The following XXYLT1 variants were observed in gnomAD, a reference collection of about 807,000 sequenced individuals.
The protein encoded by XXYLT1 is UDP-xylose:alpha-xyloside alpha-1,3-xylosyltransferase.
In XXYLT1, 20 loss-of-function variants were observed where a neutral mutation model predicts 28.9. The observed-to-expected ratio is 0.69, with a 90% CI of 0.49 to 1.00. The LOEUF is 1.00. XXYLT1 is among the 50% of genes least tolerant of loss of function. The pLI is 0.00. For missense variants in XXYLT1, 542 were observed against 560.1 expected, an observed-to-expected ratio of 0.97 and a Z score of 0.33; for synonymous variants, 257 against 253.8, an observed-to-expected ratio of 1.01 and a Z score of -0.12.
intron 1 of XXYLT1, among the ~76,000 whole-genome samples, chr3:195,242,501 G>C (rs998936962): frequency 6.6e-6 from 1 of 152,178 alleles, no homozygotes; most frequent in Non-Finnish European, 1.5e-5. Flanking sequence ...CACATGAGGA[G>C]TGGTTTTAAG....
intron 1 of XXYLT1, among the ~76,000 whole-genome samples, chr3:195,235,633 C>T (rs1724502760): frequency 6.6e-6 from 1 of 152,088 alleles, no homozygotes; most frequent in South Asian, 2.1e-4. Flanking sequence ...TCTTTGCAGT[C>T]TGGGTTTGTT....
In XXYLT1 at chr3:195,210,838, T is replaced by A. The variant is rs755634173; in HGVS notation, c.652+15871A>T. 2.6e-5 allele frequency among the ~76,000 whole-genome samples: 4 copies of A among 152,180 alleles called. No individual in the cohort carries two copies. Among genetic ancestry groups the A allele is most frequent in the Non-Finnish European group, 5.9e-5 (4 of 68,034 alleles). The stretch of plus-strand genomic sequence containing the variant: ...TTCAGATGTTTTCACTCAGGCAAGT[T>A]CCTGAATGTCTGTTTTTTCCTTTGC... On this transcript the variant is annotated intron_variant, in intron 2 of 3. Coordinates refer to ENST00000310380, the MANE Select transcript of XXYLT1 (RefSeq NM_152531.5). This position sits in a 1 kb window ranked among gnomAD's most constrained non-coding sequence, Gnocchi z 4.8.
chr3:195,127,884 AATG>A (rs1718716401), intron 3 of XXYLT1, among the ~76,000 whole-genome samples: 1 of 152,200 alleles, frequency 6.6e-6, no homozygotes, highest in African/African-American at 2.4e-5. Flanking sequence ...GGGTCTGTGA[AATG>A]ATTATATAAA....
intron 3 of XXYLT1, among the ~76,000 whole-genome samples, chr3:195,072,847 T>C (rs12639591): frequency 0.05 from 7,654 of 152,310 alleles, 284 homozygotes; most frequent in East Asian, 0.13. Flanking sequence ...CTTCTGTGTC[T>C]GCTGGTTCTC....
chr3:195,222,777 T>G (rs193191563), intron 2 of XXYLT1, among the ~76,000 whole-genome samples: 160 of 152,250 alleles, frequency 1.1e-3, no homozygotes, highest in Non-Finnish European at 2.0e-3. Flanking sequence ...ATAGCTTCAT[T>G]TGTACAATTT....
At chr3:195,132,307 A>C (rs1718943296) in intron 3 of XXYLT1, among the ~76,000 whole-genome samples, 1 of 152,194 alleles carries the variant, frequency 6.6e-6, no homozygotes, top group African/African-American at 2.4e-5. Context: ...CCATCTTTAC[A>C]AATAAAGAAA....
intron 2 of XXYLT1, chr3:195,183,775 C>T (rs1722058740): frequency 6.6e-6 from 1 of 152,250 alleles, no homozygotes; most frequent in South Asian, 2.1e-4. Context: ...CCACCCTGGT[C>T]CCCAGGAAAG....
At chr3:195,143,697 A>G (rs1162245573) in intron 3 of XXYLT1, among the ~76,000 whole-genome samples, 1 of 150,132 alleles carries the variant, frequency 6.7e-6, no homozygotes, top group African/African-American at 2.5e-5. Context: ...TCTGAATCAC[A>G]TATGGGCTCT....
intron 3 of XXYLT1, among the ~76,000 whole-genome samples, chr3:195,097,209 G>A (rs1716495823): frequency 6.6e-6 from 1 of 152,238 alleles, no homozygotes; most frequent in Non-Finnish European, 1.5e-5. Flanking sequence ...TTGGAAGCAG[G>A]CTCAGTGCTG....
chr3:195,096,429 A>G (rs1407371764), intron 3 of XXYLT1, among the ~76,000 whole-genome samples: 1 of 152,164 alleles, frequency 6.6e-6, no homozygotes, highest in Non-Finnish European at 1.5e-5. Context: ...ATACACGACC[A>G]TGCCCATGTG....
Position 195,256,022 on chromosome 3 carries a change from G to C in XXYLT1, c.504+14533C>G, listed in dbSNP as rs1725463658. Reference sequence around the variant, plus strand: ...GTTCTGTGCCACCCAGCTGACCAGGGGAAGAGGCCACCCAGCCAGCAGCAG... The same window carrying C: ...GTTCTGTGCCACCCAGCTGACCAGGCGAAGAGGCCACCCAGCCAGCAGCAG... On this transcript the variant is annotated intron_variant, in intron 1 of 3. Coordinates refer to ENST00000310380, the MANE Select transcript of XXYLT1 (RefSeq NM_152531.5). This position sits in a 1 kb window ranked among gnomAD's most constrained non-coding sequence, Gnocchi z 4.2. Among the ~76,000 whole-genome samples, 1 of 152,164 alleles carries C rather than the reference G, an allele frequency of 6.6e-6. No homozygotes were observed.
chr3:195,258,151 G>T (rs1227699295), intron 1 of XXYLT1, among the ~76,000 whole-genome samples: 1 of 152,132 alleles, frequency 6.6e-6, no homozygotes, highest in African/African-American at 2.4e-5. Context: ...TCACATCCTG[G>T]GCTGCTGTGA....
At chr3:195,181,635 T>C (rs1048578733) in intron 2 of XXYLT1, among the ~76,000 whole-genome samples, 1 of 152,160 alleles carries the variant, frequency 6.6e-6, no homozygotes, top group Non-Finnish European at 1.5e-5. Context: ...CCATGGATAA[T>C]GTATCCAGCC....
At chr3:195,252,782 G>GA (rs1229251006) in intron 1 of XXYLT1, among the ~76,000 whole-genome samples, 4 of 150,836 alleles carry the variant, frequency 2.7e-5, no homozygotes, top group Non-Finnish European at 4.4e-5. Flanking sequence ...TTTATTGTGT[G>GA]AAAAAAACAG....
In XXYLT1 at chr3:195,101,823, G is replaced by GGAGGGGAGGGGAGGA. The variant is rs1560094898; in HGVS notation, c.786-31727_786-31713dup. 7.3e-5 allele frequency among the ~76,000 whole-genome samples: 11 copies of GGAGGGGAGGGGAGGA among 150,312 alleles called. No individual in the cohort carries two copies. In the East Asian group the frequency reaches 2.0e-3, roughly 27 times the overall value. On this transcript the variant is annotated intron_variant, in intron 3 of 3. Coordinates refer to ENST00000310380, the MANE Select transcript of XXYLT1 (RefSeq NM_152531.5). Reference sequence around the variant, plus strand: ...TGAAAAAAAAAGGGGAGAGGGGAAGGGAGGGGAGGGGAGGAGAGGGGAGGG... The same window carrying GGAGGGGAGGGGAGGA: ...TGAAAAAAAAAGGGGAGAGGGGAAGGGAGGGGAGGGGAGGAGAGGGGAGGGGAGGAGAGGGGAGGG...
intron 1 of XXYLT1, chr3:195,270,277 G>T: frequency 1.5e-6 from 1 of 652,332 alleles, no homozygotes; most frequent in Non-Finnish European, 2.4e-6. Flanking sequence ...AAATGGGGGC[G>T]CGCGGACTCT....
chr3:195,107,548 AGGGGGAAG>A lies in XXYLT1; in HGVS notation c.786-37445_786-37438del, dbSNP rs1560098233. ...AGGAAGGAGGAGGAGGGGGAGGAGGAGGGGGAAGAGGGGGAGAGGAGGAGGGGGAGGAG... is the reference window on the plus strand; with the variant it reads ...AGGAAGGAGGAGGAGGGGGAGGAGGAAGGGGGAGAGGAGGAGGGGGAGGAG... On this transcript the variant is annotated intron_variant, in intron 3 of 3. Transcript: ENST00000310380. 3.0e-4 allele frequency among the ~76,000 whole-genome samples: 3 copies of A among 9,882 alleles called. 1 individual carries two copies. Among genetic ancestry groups the A allele is most frequent in the Non-Finnish European group, 1.1e-3 (3 of 2,810 alleles). The allele number at this position is 9,882 out of a possible 152,430, so 6.5% of individuals were successfully genotyped here.
chr3:195,261,785 T>C (rs1290805997), intron 1 of XXYLT1, among the ~76,000 whole-genome samples: 1 of 152,224 alleles, frequency 6.6e-6, no homozygotes. Context: ...TTATTTGTCA[T>C]TAGGGAAATG....
intron 2 of XXYLT1, among the ~76,000 whole-genome samples, chr3:195,201,529 T>G (rs1560149133): frequency 6.6e-6 from 1 of 152,232 alleles, no homozygotes; most frequent in Admixed American, 6.5e-5. Context: ...TTGAGGCTGT[T>G]CCTTGTTGAT....
Sources: allele counts gnomAD v4.1 joint callset (sites outside exome capture counted in the v4.1 genomes callset), GRCh38; gene constraint gnomAD v4.1.1; non-coding constraint Gnocchi (gnomAD v3.1); transcripts MANE v1.5; gene names NCBI Gene and HGNC (gene_info 2026-07-23, HGNC 2026-07-21).